SLC5A10: variants seen among roughly 807,000 people sequenced by gnomAD.
SLC5A10 encodes solute carrier family 5 member 10.
Under a neutral mutation model 68.9 loss-of-function variants are expected in SLC5A10, and 55 were observed. The ratio of observed to expected loss-of-function variants is 0.80; its 90% CI spans 0.64 to 1.00. The LOEUF (loss-of-function observed/expected upper bound fraction) is 1.00. Ranked by LOEUF, SLC5A10 falls within the 50% of genes least tolerant of loss-of-function variation. SLC5A10 has a pLI of 0.00. For synonymous variants in SLC5A10, 344 were observed against 344.8 expected (o/e 1.00, Z 0.02); for missense variants, 732 against 819.3 (o/e 0.89, Z 1.30).
intron 10 of SLC5A10, 58 bp from the exon 11 acceptor site, chr17:19,014,991 G>A: frequency 3.8e-6 from 6 of 1,574,534 alleles, no homozygotes; most frequent in Non-Finnish European, 4.3e-6. Context: ...CAGGCGGGAG[G>A]GGTTCCCGGG....
In SLC5A10 at chr17:18,971,938, G is replaced by T. The variant is rs2042866803; in HGVS notation, c.846+720G>T. ...CTCAGTTCCCCTGTCTGTAATATGG[G>T]AATAATCCTGCCCTTTGTGGGTGTA... On this transcript the variant is annotated intron_variant, in intron 8 of 14. Coordinates refer to ENST00000395645, the MANE Select transcript of SLC5A10 (RefSeq NM_001042450.4). The surrounding 1 kb of genome is among the most constrained non-coding windows in gnomAD (Gnocchi z 5.5). Among the ~76,000 whole-genome samples the T allele has an allele frequency of 6.6e-6, 1 of 152,146 alleles. No homozygotes were observed. The highest frequency in any genetic ancestry group is 2.4e-5 in the African/African-American group (1 of 41,390).
At chr17:18,982,707 T>C (rs1274397724) in intron 9 of SLC5A10, among the ~76,000 whole-genome samples, 1 of 152,142 alleles carries the variant, frequency 6.6e-6, no homozygotes, top group African/African-American at 2.4e-5. Context: ...CCAGGCCACA[T>C]GTGCTTAAAG....
In SLC5A10 at chr17:19,018,513, G is replaced by T. The variant is rs936207027; in HGVS notation, c.1242-910G>T. On this transcript the variant is annotated intron_variant, in intron 11 of 14. Coordinates refer to ENST00000395645, the MANE Select transcript of SLC5A10 (RefSeq NM_001042450.4). The surrounding 1 kb of genome is among the most constrained non-coding windows in gnomAD (Gnocchi z 4.2). ...ACTCTGAGTGCTGGGCAGGCACCAG[G>T]TCCCACTCATCGCCGAGTTGGGGAT... The T allele has an allele frequency of 3.9e-5, 6 of 152,342 alleles. No homozygotes were observed. The highest frequency in any genetic ancestry group is 8.8e-5 in the Non-Finnish European group (6 of 68,126). 9.4% of individuals were successfully genotyped at this position (152,342 alleles called of 1,614,324 possible).
chr17:18,969,481 TGGCACTGCCC>T, intron 7 of SLC5A10, 59 bp downstream of exon 7: 1 of 1,495,944 alleles, frequency 6.7e-7, no homozygotes, highest in Non-Finnish European at 9.3e-7. Flanking sequence ...CTTTGGAGTC[TGGCACTGCCC>T]GGCACTGTGC....
chr17:18,978,221 G>A (rs1333633294), intron 9 of SLC5A10: 2 of 1,579,582 alleles, frequency 1.3e-6, no homozygotes, highest in African/African-American at 1.3e-5. Flanking sequence ...GTCCTGGGGG[G>A]CACTGGGCTC....
At chr17:18,977,299 T>G (rs2043004487) in intron 9 of SLC5A10, 1 of 576,760 alleles carries the variant, frequency 1.7e-6, no homozygotes, top group Non-Finnish European at 3.0e-6. Context: ...GCCATCAAGA[T>G]CCTCTAACCA....
intron 13 of SLC5A10, 76 bp from the exon 14 acceptor site, chr17:19,020,079 A>G: frequency 6.7e-7 from 1 of 1,485,560 alleles, no homozygotes; most frequent in Non-Finnish European, 9.2e-7. Context: ...TGCCATCCCC[A>G]ACCTTTGATC....
rs773750800 is a variant in SLC5A10, at chr17:18,978,000, G to C, written c.982+1011G>C. The C allele has an allele frequency of 5.7e-6, 9 of 1,565,272 alleles. No individual in the cohort carries two copies. In the South Asian group the frequency reaches 9.5e-5, roughly 17 times the overall value. On this transcript the variant is annotated intron_variant, in intron 9 of 14. Transcript: ENST00000395645. ...TCATCCTGGGTCACAGATAGCTGCCGCTGGAGTGGGGCGTGGCCTGGGCCT... is the reference window on the plus strand; with the variant it reads ...TCATCCTGGGTCACAGATAGCTGCCCCTGGAGTGGGGCGTGGCCTGGGCCT...
rs543801890 is a variant in SLC5A10 at position 18,957,020 on chromosome 17, G to A, written c.112-1662G>A. On this transcript the variant is annotated intron_variant, in intron 1 of 14. Transcript: ENST00000395645. ...AAAAATTAGCCAGGTGTGGTGGTGC[G>A]CACCTGTAATCCCAGCTACTCGGGA... is the stretch of plus-strand genomic sequence containing the variant. Among the ~76,000 whole-genome samples, 192 of 152,126 alleles carry A rather than the reference G, an allele frequency of 1.3e-3. 1 individual carries two copies. The highest frequency in any genetic ancestry group is 4.2e-3 in the African/African-American group (176 of 41,518).
chr17:19,014,082 G>A lies in SLC5A10; in HGVS notation c.1090+565G>A, dbSNP rs1036411255. 4.1e-4 allele frequency among the ~76,000 whole-genome samples: 62 copies of A among 152,278 alleles called. 1 individual carries two copies. Among genetic ancestry groups the A allele is most frequent in the Non-Finnish European group, 1.5e-5 (1 of 68,012 alleles). ...CACACAGCCAATCAGACACAGAACC[G>A]AGGCCAGACAACCCAGCCAGGCAAT... On this transcript the variant is annotated intron_variant, in intron 10 of 14. Transcript: ENST00000395645.
At chr17:18,981,451 C>T (rs1301970590) in intron 9 of SLC5A10, among the ~76,000 whole-genome samples, 3 of 152,252 alleles carry the variant, frequency 2.0e-5, no homozygotes, top group Admixed American at 6.5e-5. Context: ...ACAGCAAGAG[C>T]GATGGGGTTG....
chr17:18,970,859 C>A, intron 7 of SLC5A10, 154 bp from the exon 8 acceptor site: 1 of 652,284 alleles, frequency 1.5e-6, no homozygotes, highest in South Asian at 1.9e-5. Flanking sequence ...AACCCTCTAC[C>A]CTCACACCTT....
rs80076342 is a variant in SLC5A10 at position 19,000,101 on chromosome 17, C to T, written c.983-13309C>T. On this transcript the variant is annotated intron_variant, in intron 9 of 14. Coordinates refer to ENST00000395645, the MANE Select transcript of SLC5A10 (RefSeq NM_001042450.4). The surrounding 1 kb of genome is among the most constrained non-coding windows in gnomAD (Gnocchi z 5.2). ...CCTCCCAGGCGTGATCTTACAAGCC[C>T]GTCCTCTGGTATGTAGTTGGAACCC... Among the ~76,000 whole-genome samples the T allele has an allele frequency of 4.5e-3, 678 of 152,350 alleles. 6 individuals are homozygous for T. Among genetic ancestry groups the T allele is most frequent in the African/African-American group, 0.016 (655 of 41,590 alleles).
intron 9 of SLC5A10, among the ~76,000 whole-genome samples, chr17:18,984,520 C>T (rs1403446518): frequency 6.6e-6 from 1 of 152,186 alleles, no homozygotes; most frequent in South Asian, 2.1e-4. Flanking sequence ...ACTTCCTCAC[C>T]GTGTGCCTTC....
intron 9 of SLC5A10, among the ~76,000 whole-genome samples, chr17:18,997,553 G>A (rs73981276): frequency 0.066 from 10,065 of 152,328 alleles, 629 homozygotes; most frequent in South Asian, 0.31. Context: ...AGCTTCTCCA[G>A]GGTCCAAGAG....
intron 7 of SLC5A10, chr17:18,970,542 GGGCCACA>G: frequency 5.7e-6 from 1 of 174,634 alleles, no homozygotes; most frequent in South Asian, 1.3e-4. Context: ...TCAGGGGGTG[GGGCCACA>G]TCACCACCAG....
At chr17:19,007,731 G>A (rs1045732934) in intron 9 of SLC5A10, among the ~76,000 whole-genome samples, 20 of 152,086 alleles carry the variant, frequency 1.3e-4, no homozygotes, top group Non-Finnish European at 8.8e-5. Flanking sequence ...CATCCTCTTC[G>A]AGGTGTCTTA....
intron 9 of SLC5A10, among the ~76,000 whole-genome samples, chr17:18,993,420 G>A (rs1052158783): frequency 1.3e-5 from 2 of 152,160 alleles, no homozygotes; most frequent in Non-Finnish European, 2.9e-5. Flanking sequence ...GGACTGAGTC[G>A]CAAGACTCGG....
Position 19,003,962 on chromosome 17 carries a change from T to C in SLC5A10, c.983-9448T>C. ...CAGCGCCAGCCGCTGCTCCTCGCTG[T>C]AGAAGAACTCAGGCTTGGACTCGCT... On this transcript the variant is annotated intron_variant, in intron 9 of 14. Transcript: ENST00000395645. The surrounding 1 kb of genome is among the most constrained non-coding windows in gnomAD (Gnocchi z 4.5). 1.2e-6 allele frequency: 2 copies of C among 1,612,878 alleles called. No individual in the cohort carries two copies. Among genetic ancestry groups the C allele is most frequent in the Non-Finnish European group, 1.7e-6 (2 of 1,179,920 alleles).
Sources: allele counts gnomAD v4.1 joint callset (sites outside exome capture counted in the v4.1 genomes callset), GRCh38; gene constraint gnomAD v4.1.1; non-coding constraint Gnocchi (gnomAD v3.1); transcripts MANE v1.5; gene names NCBI Gene and HGNC (gene_info 2026-07-23, HGNC 2026-07-21).